Variants in SLCO3A1 observed in about 807,000 individuals in gnomAD.
SLCO3A1 encodes solute carrier organic anion transporter family member 3A1.
Under a neutral mutation model 63.1 loss-of-function variants are expected in SLCO3A1, and 27 were observed. The observed-to-expected ratio is 0.43, with a 90% CI of 0.32 to 0.59. The LOEUF is 0.59. Among genes scored for constraint, SLCO3A1 ranks in the 20% least tolerant of loss-of-function variants. The pLI is 0.09. For missense variants in SLCO3A1, 773 were observed against 945.8 expected (o/e 0.82, Z 2.40); for synonymous variants, 473 against 409.9 (o/e 1.15, Z -1.86).
At chr15:91,877,373 G>T (rs1897425975) in intron 1 of SLCO3A1, among the ~76,000 whole-genome samples, 1 of 152,080 alleles carries the variant, frequency 6.6e-6, no homozygotes, top group Non-Finnish European at 1.5e-5. Context: ...ATTAATTCAA[G>T]ACCTATTTAT....
At position 92,083,774 on chromosome 15, in the gene SLCO3A1, AT is replaced by A. The variant is rs144533027; in HGVS notation, c.647-11105del. ...TTGTGCTGTCATCTTTGTAATAATG[AT>A]TGCTAAAATTTATTGAGCACTTACT... On this transcript the variant is annotated intron_variant, in intron 2 of 9. Transcript: ENST00000318445. 4.4e-3 allele frequency among the ~76,000 whole-genome samples: 669 copies of A among 152,304 alleles called. 3 individuals carry two copies. The highest frequency in any genetic ancestry group is 0.011 in the South Asian group (52 of 4,816).
At chr15:91,903,891 AGTT>A (rs1412363424) in intron 1 of SLCO3A1, among the ~76,000 whole-genome samples, 2 of 152,188 alleles carry the variant, frequency 1.3e-5, no homozygotes, top group Non-Finnish European at 2.9e-5. Flanking sequence ...GTTGAATTGA[AGTT>A]GTTGTTGTAC....
At chr15:91,977,644 T>C (rs1901170324) in intron 2 of SLCO3A1, among the ~76,000 whole-genome samples, 1 of 152,130 alleles carries the variant, frequency 6.6e-6, no homozygotes. Context: ...GATAAAGGAC[T>C]ACATATTGGG....
chr15:91,893,017 T>G (rs1394409933), intron 1 of SLCO3A1, among the ~76,000 whole-genome samples: 1 of 152,232 alleles, frequency 6.6e-6, no homozygotes, highest in Non-Finnish European at 1.5e-5. Flanking sequence ...ATAAGGATTC[T>G]TCAATGCATA....
intron 2 of SLCO3A1, among the ~76,000 whole-genome samples, chr15:92,062,505 G>A (rs979209148): frequency 1.6e-4 from 24 of 152,150 alleles, no homozygotes; most frequent in South Asian, 4.1e-4. Context: ...GAGGGGGTTC[G>A]TGTGGTCAAG....
chr15:92,061,541 T>C (rs2047086256), intron 2 of SLCO3A1, among the ~76,000 whole-genome samples: 1 of 152,214 alleles, frequency 6.6e-6, no homozygotes, highest in Non-Finnish European at 1.5e-5. Flanking sequence ...AAGTGTCCTC[T>C]TACTGGGATT....
In SLCO3A1 at chr15:92,143,422, A is replaced by ATAT. The variant is rs2048167864; in HGVS notation, c.1513-3561_1513-3559dup. 6.2e-3 allele frequency among the ~76,000 whole-genome samples: 21 copies of ATAT among 3,386 alleles called. 2 individuals are homozygous for ATAT. The highest frequency in any genetic ancestry group is 0.049 in the African/African-American group (20 of 408). 2.2% of individuals were successfully genotyped at this position (3,386 alleles called of 152,430 possible). On this transcript the variant is annotated intron_variant, in intron 7 of 9. Transcript: ENST00000318445. ...ATAATATATATAATATATATATTAT[A>ATAT]TATATATAATATATATAATATATAT...
intron 4 of SLCO3A1, among the ~76,000 whole-genome samples, chr15:92,116,254 C>G (rs2047793698): frequency 6.6e-6 from 1 of 152,206 alleles, no homozygotes; most frequent in Non-Finnish European, 1.5e-5. Flanking sequence ...TTTCATGACT[C>G]CTCCAAAATC....
chr15:92,071,123 C>T (rs1480579274), intron 2 of SLCO3A1, among the ~76,000 whole-genome samples: 2 of 152,202 alleles, frequency 1.3e-5, no homozygotes, highest in Admixed American at 6.5e-5. Flanking sequence ...AGAAGCAGGA[C>T]TCTCCCTGGC....
rs749820474 is a variant in SLCO3A1, at chr15:91,862,004, C to G, written c.180+7916C>G. Among the ~76,000 whole-genome samples, 4 of 152,026 alleles carry G rather than the reference C, an allele frequency of 2.6e-5. No homozygotes were observed. The highest frequency in any genetic ancestry group is 7.3e-5 in the African/African-American group (3 of 41,370). The stretch of plus-strand genomic sequence containing the variant: ...GGAAGAAGTGTGAACTCATCTTTCC[C>G]TTTTGCCCTCATGATTTCCTTTATA... On this transcript the variant is annotated intron_variant, in intron 1 of 9. Coordinates refer to ENST00000318445, the MANE Select transcript of SLCO3A1 (RefSeq NM_013272.4). This position sits in a 1 kb window ranked among gnomAD's most constrained non-coding sequence, Gnocchi z 4.0.
At chr15:91,904,182 G>T (rs571292770) in intron 1 of SLCO3A1, among the ~76,000 whole-genome samples, 3 of 152,324 alleles carry the variant, frequency 2.0e-5, no homozygotes, top group South Asian at 4.1e-4. Flanking sequence ...GTTATATCAT[G>T]CACGGATGTT....
chr15:92,033,856 A>C lies in SLCO3A1; in HGVS notation c.647-61025A>C, dbSNP rs904725699. ...AAGCCGGGAGGTTATCTGGAGGAAA[A>C]ACATTCCAGACAGACCAGTGAGGGC... On this transcript the variant is annotated intron_variant, in intron 2 of 9. Transcript: ENST00000318445. The surrounding 1 kb of genome is among the most constrained non-coding windows in gnomAD (Gnocchi z 4.5). Among the ~76,000 whole-genome samples the C allele has an allele frequency of 2.0e-5, 3 of 152,114 alleles. No homozygotes were observed. Among genetic ancestry groups the C allele is most frequent in the African/African-American group, 7.2e-5 (3 of 41,420 alleles).
rs531110023 is a variant in SLCO3A1 at position 92,078,889 on chromosome 15, A to G, written c.647-15992A>G. Among the ~76,000 whole-genome samples, 617 of 152,298 alleles carry G rather than the reference A, an allele frequency of 4.1e-3. 7 individuals carry two copies. Among genetic ancestry groups the G allele is most frequent in the Middle Eastern group, 0.01 (3 of 294 alleles). On this transcript the variant is annotated intron_variant, in intron 2 of 9. Transcript: ENST00000318445. The stretch of plus-strand genomic sequence containing the variant: ...TAGCAACAGACCTGCCTCAAAACCC[A>G]GCTCTGGCCCTACGCTATGAATGGG...
chr15:91,951,840 C>G (rs1900010501), intron 2 of SLCO3A1, among the ~76,000 whole-genome samples: 1 of 152,206 alleles, frequency 6.6e-6, no homozygotes, highest in African/African-American at 2.4e-5. Flanking sequence ...TAGGCGTGAG[C>G]CACCGCACCC....
intron 1 of SLCO3A1, among the ~76,000 whole-genome samples, chr15:91,910,600 G>T (rs1173010482): frequency 1.3e-5 from 2 of 152,222 alleles, no homozygotes; most frequent in African/African-American, 4.8e-5. Flanking sequence ...CACCACACAG[G>T]TGTGGAAACA....
chr15:92,053,328 C>T (rs1317859630), intron 2 of SLCO3A1, among the ~76,000 whole-genome samples: 1 of 152,168 alleles, frequency 6.6e-6, no homozygotes, highest in Non-Finnish European at 1.5e-5. Context: ...CAGAAGAGTT[C>T]TGAGGATAGC....
intron 2 of SLCO3A1, among the ~76,000 whole-genome samples, chr15:91,945,615 A>AGGGAGATG (rs1899780088): frequency 2.0e-5 from 3 of 152,212 alleles, no homozygotes; most frequent in Admixed American, 2.0e-4. Context: ...CCAGGGGCAG[A>AGGGAGATG]GGGAGATGGA....
intron 2 of SLCO3A1, among the ~76,000 whole-genome samples, chr15:91,917,827 A>G (rs1240657078): frequency 6.6e-6 from 1 of 152,222 alleles, no homozygotes; most frequent in Non-Finnish European, 1.5e-5. Context: ...GGACTACAGC[A>G]TGTAGCCACA....
At chr15:92,115,220 T>C (rs1356993143) in intron 4 of SLCO3A1, among the ~76,000 whole-genome samples, 5 of 152,082 alleles carry the variant, frequency 3.3e-5, no homozygotes, top group African/African-American at 9.7e-5. Flanking sequence ...GACAAGTACA[T>C]TGCTTCCTGA....
Sources: allele counts gnomAD v4.1 joint callset (sites outside exome capture counted in the v4.1 genomes callset), GRCh38; gene constraint gnomAD v4.1.1; non-coding constraint Gnocchi (gnomAD v3.1); transcripts MANE v1.5; gene names NCBI Gene and HGNC (gene_info 2026-07-23, HGNC 2026-07-21).